CORO2B: variants seen among roughly 807,000 people sequenced by gnomAD.
CORO2B encodes the protein coronin-2B.
In CORO2B, 26 loss-of-function variants were observed where a neutral mutation model predicts 58.8. The observed-to-expected ratio is 0.44, with a 90% CI of 0.32 to 0.61. The LOEUF (loss-of-function observed/expected upper bound fraction) is 0.61. Among genes scored for constraint, CORO2B ranks in the 20% least tolerant of loss-of-function variants. The pLI is 0.04. For synonymous variants in CORO2B, 242 were observed against 253.8 expected, an observed-to-expected ratio of 0.95 and a Z score of 0.44; for missense variants, 460 against 645.1, an observed-to-expected ratio of 0.71 and a Z score of 3.11.
At chr15:68,615,569 T>C (rs1186903508) in intron 1 of CORO2B, among the ~76,000 whole-genome samples, 1 of 152,186 alleles carries the variant, frequency 6.6e-6, no homozygotes, top group South Asian at 2.1e-4. Flanking sequence ...CTAAAGTTAT[T>C]AAGAGGTGGA....
chr15:68,531,584 GAGAA>G, the CORO2B span, among the ~76,000 whole-genome samples: 875 of 143,390 alleles, frequency 6.1e-3, 4 homozygotes, highest in Non-Finnish European at 9.7e-3. Flanking sequence ...GAGAAAGAAA[GAGAA>G]AGAAAGAAGG....
At chr15:68,541,165 G>A in the CORO2B span, among the ~76,000 whole-genome samples, 1 of 151,962 alleles carries the variant, frequency 6.6e-6, no homozygotes, top group African/African-American at 2.4e-5. Context: ...AGCCTGAAAG[G>A]TGGAGGCTGC....
Position 68,579,191 on chromosome 15 carries a change from C to T in CORO2B, c.-72C>T. 1 of 979,852 alleles carries T rather than the reference C, an allele frequency of 1.0e-6. No individual in the cohort carries two copies. 60.7% of individuals were successfully genotyped at this position (979,852 alleles called of 1,614,324 possible). On this transcript the variant is annotated 5_prime_UTR_variant, in exon 1 of 12. Transcript: ENST00000261861. ...CCGGGAGCTGCCGGACCCCCTTCCG[C>T]CGCCGCCCCGGGCCGCCGCCGCCGC...
At chr15:68,538,646 A>G in the CORO2B span, among the ~76,000 whole-genome samples, 1 of 152,228 alleles carries the variant, frequency 6.6e-6, no homozygotes, top group Non-Finnish European at 1.5e-5. Context: ...ATTTAAGTCC[A>G]GTCTTCAAGT....
chr15:68,711,113 T>C (rs1251169529), intron 4 of CORO2B, among the ~76,000 whole-genome samples: 1 of 152,150 alleles, frequency 6.6e-6, no homozygotes, highest in African/African-American at 2.4e-5. Flanking sequence ...CTCTGGTGGT[T>C]GATTGGAGGA....
chr15:68,572,752 C>A, the CORO2B span, among the ~76,000 whole-genome samples: 1 of 152,114 alleles, frequency 6.6e-6, no homozygotes, highest in Non-Finnish European at 1.5e-5. Flanking sequence ...AATTTAGATC[C>A]TAAACGACTG....
chr15:68,561,771 G>A, the CORO2B span, among the ~76,000 whole-genome samples: 1 of 152,190 alleles, frequency 6.6e-6, no homozygotes, highest in African/African-American at 2.4e-5. Context: ...CCATGTGCCT[G>A]TGTGAGCGGA....
chr15:68,547,483 C>G, the CORO2B span, among the ~76,000 whole-genome samples: 3 of 152,102 alleles, frequency 2.0e-5, no homozygotes, highest in Non-Finnish European at 4.4e-5. Flanking sequence ...CAGCACTACT[C>G]ATTATGCAGA....
At chr15:68,546,033 T>C in the CORO2B span, among the ~76,000 whole-genome samples, 12 of 152,192 alleles carry the variant, frequency 7.9e-5, no homozygotes, top group African/African-American at 2.9e-4. Flanking sequence ...ATGTCACTCA[T>C]TGTGGAGGGC....
rs762566954 is a variant in CORO2B, at chr15:68,726,013, C to T, written c.*39C>T. On this transcript the variant is annotated 3_prime_UTR_variant, in exon 12 of 12. Coordinates refer to ENST00000261861, the MANE Select transcript of CORO2B (RefSeq NM_006091.5). Reference sequence around the variant, plus strand: ...CTGTTTTCTAAGCCGATCTCTCCGTCGTTTCTACTCATCCCTTAACTTCTC... The same window carrying T: ...CTGTTTTCTAAGCCGATCTCTCCGTTGTTTCTACTCATCCCTTAACTTCTC... The T allele has an allele frequency of 1.1e-5, 17 of 1,607,572 alleles. No homozygotes were observed. In the East Asian group the frequency reaches 1.1e-4, roughly 11 times the overall value.
intron 1 of CORO2B, among the ~76,000 whole-genome samples, chr15:68,610,695 G>A (rs1900227699): frequency 6.6e-6 from 1 of 151,344 alleles, no homozygotes; most frequent in East Asian, 1.9e-4. Context: ...TTATTAAAAT[G>A]GCTTCTCACC....
chr15:68,646,212 C>G (rs1228933632), intron 2 of CORO2B, among the ~76,000 whole-genome samples: 1 of 152,136 alleles, frequency 6.6e-6, no homozygotes, highest in Non-Finnish European at 1.5e-5. Context: ...TCTGAAAAAC[C>G]TAGATCATGA....
At chr15:68,574,487 G>A (rs1177839753), upstream of CORO2B, among the ~76,000 whole-genome samples, 1 of 152,204 alleles carries the variant, frequency 6.6e-6, no homozygotes, top group Non-Finnish European at 1.5e-5. Flanking sequence ...ACTCTGTAGA[G>A]TAGCACTCGG....
intron 1 of CORO2B, among the ~76,000 whole-genome samples, chr15:68,594,973 A>G (rs1899791091): frequency 6.6e-6 from 1 of 152,216 alleles, no homozygotes; most frequent in African/African-American, 2.4e-5. Context: ...CAATTCTGAA[A>G]AGAGTGAACT....
Position 68,719,491 on chromosome 15 carries a change from A to G in CORO2B, c.1250A>G (p.Lys417Arg), listed in dbSNP as rs1281042948. 4 of 1,614,154 alleles carry G rather than the reference A, an allele frequency of 2.5e-6. No individual in the cohort carries two copies. Among genetic ancestry groups the G allele is most frequent in the Non-Finnish European group, 3.4e-6 (4 of 1,179,972 alleles). Residue 417 changes from lysine (K) to arginine (R), a missense_variant, in exon 11 of 12, where the codon AAG becomes AGG. Physicochemically the swap from Lys to Arg is conservative, Grantham distance 26. Coordinates refer to ENST00000261861, the MANE Select transcript of CORO2B (RefSeq NM_006091.5). ...MVFKAPIKEKKSVVVNGIDLL... is the reference protein window; with the variant it reads ...MVFKAPIKEKRSVVVNGIDLL... ...TTTAAGGCTCCCATCAAAGAAAAGA[A>G]GAGTGTTGTGGTCAACGGAATAGAT... is the stretch of plus-strand genomic sequence containing the variant.
At chr15:68,605,801 T>C (rs1309520354) in intron 1 of CORO2B, among the ~76,000 whole-genome samples, 1 of 141,042 alleles carries the variant, frequency 7.1e-6, no homozygotes, top group Admixed American at 7.7e-5. Flanking sequence ...CTCAGCTCAC[T>C]GCAACCTCCA....
intron 2 of CORO2B, among the ~76,000 whole-genome samples, chr15:68,651,422 G>C (rs961616088): frequency 1.3e-5 from 2 of 152,220 alleles, no homozygotes; most frequent in African/African-American, 4.8e-5. Flanking sequence ...TTCTAGGAAG[G>C]AAAAGGGTCA....
At chr15:68,721,508 C>A (rs1893159668) in intron 11 of CORO2B, among the ~76,000 whole-genome samples, 1 of 151,794 alleles carries the variant, frequency 6.6e-6, no homozygotes, top group Admixed American at 6.6e-5. Flanking sequence ...GAGTTTGAGA[C>A]CAGCCTGGTC....
chr15:68,518,772 G>T, the CORO2B span, among the ~76,000 whole-genome samples: 1 of 152,060 alleles, frequency 6.6e-6, no homozygotes, highest in Non-Finnish European at 1.5e-5. Context: ...GGGGTGGGGG[G>T]CTGCTGAAGG....
Sources: allele counts gnomAD v4.1 joint callset (sites outside exome capture counted in the v4.1 genomes callset), GRCh38; gene constraint gnomAD v4.1.1; transcripts MANE v1.5; gene names NCBI Gene and HGNC (gene_info 2026-07-23, HGNC 2026-07-21).